Variants in SRI observed in about 807,000 individuals in gnomAD.
SRI encodes 22 kDa protein.
A neutral mutation model predicts 33.3 loss-of-function variants in SRI; 30 were observed. The ratio of observed to expected loss-of-function variants is 0.90; its 90% confidence interval spans 0.67 to 1.22. SRI has a LOEUF of 1.22. Among genes scored for constraint, SRI ranks in the 50% most tolerant of loss-of-function variants. The pLI is 0.00. For synonymous variants in SRI, 75 were observed against 89.9 expected (o/e 0.83, Z 0.94); for missense variants, 243 against 250.8 (o/e 0.97, Z 0.21).
At chr7:88,219,681 A>T (rs1851834533) in intron 1 of SRI, among the ~76,000 whole-genome samples, 1 of 152,022 alleles carries the variant, frequency 6.6e-6, no homozygotes, top group Admixed American at 6.6e-5. Flanking sequence ...GCCAACACCC[A>T]ATTAACACGA....
intron 3 of SRI, among the ~76,000 whole-genome samples, chr7:88,213,337 T>A (rs1452020833): frequency 6.6e-6 from 1 of 152,204 alleles, no homozygotes; most frequent in Non-Finnish European, 1.5e-5. Flanking sequence ...GTAACACACT[T>A]ATTTTGCAAG....
chr7:88,225,072 C>A (rs2115835110), intron 1 of SRI, among the ~76,000 whole-genome samples: 1 of 152,200 alleles, frequency 6.6e-6, no homozygotes, highest in South Asian at 2.1e-4. Flanking sequence ...GCATGATAAG[C>A]AAGATAAATC....
At chr7:88,220,969 G>A (rs1329457224), upstream of SRI, among the ~76,000 whole-genome samples, 1 of 152,162 alleles carries the variant, frequency 6.6e-6, no homozygotes, top group Non-Finnish European at 1.5e-5. Context: ...ATTCAGGCGT[G>A]AGCTTTTTGT....
intron 6 of SRI, chr7:88,209,029 A>G (rs1429166798): frequency 2.6e-5 from 7 of 270,690 alleles, no homozygotes; most frequent in South Asian, 1.7e-4. Flanking sequence ...ACTCTTTCCA[A>G]ATATTTCACA....
At chr7:88,215,708 G>C (rs936644238) in intron 3 of SRI, among the ~76,000 whole-genome samples, 12 of 152,182 alleles carry the variant, frequency 7.9e-5, no homozygotes, top group Non-Finnish European at 1.3e-4. Context: ...TTCAAAGACA[G>C]CCATCTAATA....
At chr7:88,219,878 C>T (rs1851841361) in intron 1 of SRI, 98 bp downstream of exon 1, 2 of 1,427,266 alleles carry the variant, frequency 1.4e-6, no homozygotes, top group East Asian at 5.4e-5. Flanking sequence ...CGGGTAGCCG[C>T]CCAGCAGCGC....
intron 3 of SRI, among the ~76,000 whole-genome samples, chr7:88,213,294 G>T (rs751525742): frequency 6.6e-6 from 1 of 152,106 alleles, no homozygotes; most frequent in African/African-American, 2.4e-5. Context: ...CTGCTCTCAG[G>T]ATAAAGTCCA....
intron 5 of SRI, among the ~76,000 whole-genome samples, 180 bp downstream of exon 5, chr7:88,209,803 T>C (rs1200867385): frequency 6.6e-6 from 1 of 151,906 alleles, no homozygotes; most frequent in African/African-American, 2.4e-5. Context: ...TTTAGTAGAG[T>C]CGGGGTTTTA....
Position 88,210,926 on chromosome 7 carries a change from C to G in SRI, c.206-1G>C. The G allele has an allele frequency of 6.2e-7, 1 of 1,613,284 alleles. No homozygotes were observed. The highest frequency in any genetic ancestry group is 8.5e-7 in the Non-Finnish European group (1 of 1,179,520). ...AGCCGGCAAGTCTCCAGGTTAAAAGCTGTTAAATCAAGAAAAGTACATACA... is the reference window on the plus strand; with the variant it reads ...AGCCGGCAAGTCTCCAGGTTAAAAGGTGTTAAATCAAGAAAAGTACATACA... On this transcript the variant is annotated splice_acceptor_variant, in intron 3 of 7. Transcript: ENST00000265729. LOFTEE classifies it high-confidence loss of function.
intron 3 of SRI, among the ~76,000 whole-genome samples, chr7:88,215,948 A>G (rs1428771912): frequency 6.6e-6 from 1 of 152,204 alleles, no homozygotes; most frequent in African/African-American, 2.4e-5. Flanking sequence ...ACCACTTCAT[A>G]TGTGTTGGAT....
At position 88,205,411 on chromosome 7, in the gene SRI, T is replaced by C. The variant is rs911796127; in HGVS notation, c.*1067A>G. 6.6e-6 allele frequency: 1 copy of C among 152,204 alleles called. No individual in the cohort carries two copies. The highest frequency in any genetic ancestry group is 1.5e-5 in the Non-Finnish European group (1 of 68,034). The allele number at this position is 152,204 out of a possible 1,614,324, so 9.4% of individuals were successfully genotyped here. A position where few individuals can be genotyped will look rare whatever the true frequency, so the allele number is the denominator to read the frequency against. ...AAGATGGGGAAACTGAAACTGGGCA[T>C]TATCTATAATGACCAAACCACATAG... On this transcript the variant is annotated 3_prime_UTR_variant, in exon 8 of 8. Coordinates refer to ENST00000265729, the MANE Select transcript of SRI (RefSeq NM_003130.4).
intron 1 of SRI, among the ~76,000 whole-genome samples, chr7:88,225,235 T>C (rs940003157): frequency 2.6e-5 from 4 of 152,226 alleles, no homozygotes; most frequent in African/African-American, 9.6e-5. Context: ...AGGAAGCTGA[T>C]GTTGGAGGAA....
At chr7:88,219,000 CACT>C (rs770896333) in intron 1 of SRI, 58 bp from the exon 2 acceptor site, 380 of 1,508,922 alleles carry the variant, frequency 2.5e-4, no homozygotes, top group Non-Finnish European at 3.3e-4. Context: ...CTTCTTTCAC[CACT>C]GAGGGCTTTT....
At chr7:88,212,038 A>G (rs1009622102) in intron 3 of SRI, among the ~76,000 whole-genome samples, 1 of 152,254 alleles carries the variant, frequency 6.6e-6, no homozygotes, top group African/African-American at 2.4e-5. Context: ...CAGAAGTGAC[A>G]AGGGTCACGT....
chr7:88,212,684 A>T (rs945513264), intron 3 of SRI, among the ~76,000 whole-genome samples: 22 of 152,220 alleles, frequency 1.4e-4, no homozygotes, highest in Non-Finnish European at 2.6e-4. Context: ...CCCTACACCA[A>T]TAAAATCAGA....
intron 2 of SRI, 99 bp from the exon 3 acceptor site, chr7:88,217,290 AT>A: frequency 9.8e-7 from 1 of 1,021,438 alleles, no homozygotes. Context: ...GAAAATCAGT[AT>A]CTTTTTTTTA....
At chr7:88,207,883 G>A (rs1851471275) in intron 7 of SRI, 1 of 152,064 alleles carries the variant, frequency 6.6e-6, no homozygotes, top group Admixed American at 6.6e-5. Flanking sequence ...AGTCCCTCAG[G>A]AGGCTGAGGC....
In SRI at chr7:88,220,028, C is replaced by G; in HGVS notation, c.-2G>C. On this transcript the variant is annotated 5_prime_UTR_variant, in exon 1 of 8. Transcript: ENST00000265729. The stretch of plus-strand genomic sequence containing the variant: ...GCCAGGATGCCCCGGGTACGCCATG[C>G]TGCAGACTGCGCCGCAGCCGCCCTC... 1 of 1,528,158 alleles carries G rather than the reference C, an allele frequency of 6.5e-7. No individual in the cohort carries two copies. The highest frequency in any genetic ancestry group is 1.2e-5 in the South Asian group (1 of 82,772). The allele number at this position is 1,528,158 out of a possible 1,614,324, so 94.7% of individuals were successfully genotyped here.
chr7:88,210,488 T>G (rs1288131089), intron 4 of SRI: 2 of 390,520 alleles, frequency 5.1e-6, no homozygotes, highest in East Asian at 1.2e-4. Flanking sequence ...GTACTAATAT[T>G]CCCTTGTTTA....
Sources: gnomAD v4.1 joint callset for allele counts (sites outside exome capture counted in the v4.1 genomes callset) on GRCh38, gnomAD v4.1.1 for gene constraint, MANE v1.5 for transcripts, NCBI Gene and HGNC (gene_info 2026-07-23, HGNC 2026-07-21) for gene names.